The following SLC8A1 variants were observed in gnomAD, a reference collection of about 807,000 sequenced individuals.
The protein encoded by SLC8A1 is sodium/calcium exchanger 1.
In SLC8A1, 18 loss-of-function variants were observed where a neutral mutation model predicts 68.3. The ratio of observed to expected loss-of-function variants is 0.26; its 90% CI spans 0.18 to 0.39. The LOEUF is 0.39. Among genes scored for constraint, SLC8A1 ranks in the 10% least tolerant of loss-of-function variants. SLC8A1 has a pLI of 1.00. For missense variants in SLC8A1, 985 were observed against 1,156.7 expected (o/e 0.85, Z 2.15); for synonymous variants, 475 against 415.5 (o/e 1.14, Z -1.74).
intron 2 of SLC8A1, among the ~76,000 whole-genome samples, chr2:40,350,583 C>A (rs12988856): frequency 2.2e-5 from 2 of 89,568 alleles, no homozygotes; most frequent in African/African-American, 3.8e-5. Context: ...CGCACCCAGA[C>A]AAGCAAAAAA....
At chr2:40,336,969 G>A (rs1040155771) in intron 2 of SLC8A1, among the ~76,000 whole-genome samples, 11 of 152,098 alleles carry the variant, frequency 7.2e-5, no homozygotes, top group African/African-American at 2.7e-4. Context: ...CTGGCATAAT[G>A]TACCAAATTG....
At chr2:40,430,104 C>A in exon 2 of SLC8A1, 1 of 1,613,824 alleles carries the variant, frequency 6.2e-7, no homozygotes, top group South Asian at 1.1e-5. Flanking sequence ...TGGGCAAAAT[C>A]ACCCCTTTCT....
At chr2:40,121,431 A>G (rs924603166) in intron 7 of SLC8A1, among the ~76,000 whole-genome samples, 2 of 152,152 alleles carry the variant, frequency 1.3e-5, no homozygotes, top group East Asian at 1.9e-4. Context: ...GCCCTTAGCT[A>G]TAGTGGTTAT....
intron 7 of SLC8A1, among the ~76,000 whole-genome samples, chr2:40,137,629 T>C (rs1172416610): frequency 1.3e-5 from 2 of 152,144 alleles, no homozygotes; most frequent in Non-Finnish European, 2.9e-5. Context: ...CTTAAGAATA[T>C]TTTAAGTTTT....
chr2:40,164,813 A>G (rs1482218958), intron 5 of SLC8A1, 41 bp downstream of exon 8: 5 of 1,610,402 alleles, frequency 3.1e-6, no homozygotes, highest in Non-Finnish European at 4.2e-6. Flanking sequence ...TTCTGTCCCA[A>G]GGTGAGACTG....
chr2:40,331,249 T>C (rs1231957660), intron 2 of SLC8A1, among the ~76,000 whole-genome samples: 1 of 152,232 alleles, frequency 6.6e-6, no homozygotes, highest in Non-Finnish European at 1.5e-5. Flanking sequence ...TGTCTTATCA[T>C]TACTATTGTC....
intron 2 of SLC8A1, among the ~76,000 whole-genome samples, chr2:40,230,048 G>T (rs192911604): frequency 7.9e-5 from 12 of 152,162 alleles, no homozygotes; most frequent in African/African-American, 1.7e-4. Context: ...AGAACTGATT[G>T]GTTACAAGTT....
intron 2 of SLC8A1, among the ~76,000 whole-genome samples, chr2:40,340,792 C>A (rs191810817): frequency 2.6e-5 from 4 of 152,236 alleles, no homozygotes; most frequent in African/African-American, 7.2e-5. Context: ...GGAAATTCAT[C>A]ATGCAGGTAA....
intron 2 of SLC8A1, among the ~76,000 whole-genome samples, chr2:40,290,922 C>T (rs904550354): frequency 1.3e-5 from 2 of 152,206 alleles, no homozygotes; most frequent in African/African-American, 4.8e-5. Flanking sequence ...ATGGATTCCT[C>T]TGGCAACTTT....
At chr2:40,193,046 T>C (rs1573853638) in intron 2 of SLC8A1, among the ~76,000 whole-genome samples, 1 of 152,180 alleles carries the variant, frequency 6.6e-6, no homozygotes, top group Non-Finnish European at 1.5e-5. Flanking sequence ...GTTTGCGTAA[T>C]AAATGGTTTT....
intron 1 of SLC8A1, among the ~76,000 whole-genome samples, chr2:40,434,742 T>A (rs563112707): frequency 1.3e-5 from 2 of 152,262 alleles, no homozygotes; most frequent in African/African-American, 4.8e-5. Context: ...CAAATTATCT[T>A]CTGATCACTA....
chr2:40,370,960 ACCC>A (rs1677833744), intron 2 of SLC8A1, among the ~76,000 whole-genome samples: 1 of 152,066 alleles, frequency 6.6e-6, no homozygotes, highest in Non-Finnish European at 1.5e-5. Flanking sequence ...ATTTGAAGGT[ACCC>A]CTAGACATTC....
chr2:40,102,571 T>C (rs1454713304), exon 8 of SLC8A1: 1 of 152,122 alleles, frequency 6.6e-6, no homozygotes, highest in Non-Finnish European at 1.5e-5. Flanking sequence ...AGAGGCGGGA[T>C]TGGTGCAAGA....
At chr2:40,314,186 G>A (rs1266136730) in intron 2 of SLC8A1, among the ~76,000 whole-genome samples, 3 of 151,980 alleles carry the variant, frequency 2.0e-5, no homozygotes, top group African/African-American at 4.8e-5. Context: ...ATAGTGTGAA[G>A]TAATAGATCA....
At chr2:40,480,432 A>G (rs1004276823) in intron 1 of SLC8A1, among the ~76,000 whole-genome samples, 2 of 152,194 alleles carry the variant, frequency 1.3e-5, no homozygotes, top group Non-Finnish European at 2.9e-5. Context: ...GTGGACACAG[A>G]AAGAAGGCAC....
chr2:40,184,585 C>T (rs986302362), intron 2 of SLC8A1, among the ~76,000 whole-genome samples: 1 of 152,078 alleles, frequency 6.6e-6, no homozygotes, highest in African/African-American at 2.4e-5. Context: ...TACGTTTTTA[C>T]ACAACAGTGA....
intron 2 of SLC8A1, among the ~76,000 whole-genome samples, chr2:40,218,306 A>G (rs893645179): frequency 6.6e-6 from 1 of 152,182 alleles, no homozygotes; most frequent in East Asian, 1.9e-4. Flanking sequence ...ATTGCATGTA[A>G]TTACTGTATT....
chr2:40,430,715 G>T (rs943021386), intron 1 of SLC8A1, among the ~76,000 whole-genome samples: 3 of 152,114 alleles, frequency 2.0e-5, no homozygotes, highest in Admixed American at 2.0e-4. Context: ...TACTAAAGCA[G>T]ATTTTCTTCT....
chr2:40,206,330 A>G (rs895893230), intron 2 of SLC8A1, among the ~76,000 whole-genome samples: 2 of 152,066 alleles, frequency 1.3e-5, no homozygotes, highest in African/African-American at 4.8e-5. Flanking sequence ...TGGAACATTT[A>G]TTTTAATCTG....
Sources: allele counts gnomAD v4.1 joint callset (sites outside exome capture counted in the v4.1 genomes callset), GRCh38; gene constraint gnomAD v4.1.1; transcripts MANE v1.5; gene names NCBI Gene and HGNC (gene_info 2026-07-23, HGNC 2026-07-21).